The following PAPPA2 variants were observed in gnomAD, a reference collection of about 807,000 sequenced individuals.
PAPPA2 encodes pappalysin-2.
Under a neutral mutation model 176.4 loss-of-function variants are expected in PAPPA2, and 86 were observed. That is an observed-to-expected ratio of 0.49 (90% CI 0.41 to 0.58). PAPPA2 has a LOEUF of 0.58. PAPPA2 is among the 20% of genes least tolerant of loss of function. PAPPA2 has a pLI of 0.00. For missense variants in PAPPA2, 2,073 were observed against 2,256.9 expected (o/e 0.92, Z 1.65); for synonymous variants, 809 against 852.2 (o/e 0.95, Z 0.88).
chr1:176,513,226 C>T (rs1295884010), intron 1 of PAPPA2, among the ~76,000 whole-genome samples: 2 of 152,130 alleles, frequency 1.3e-5, no homozygotes, highest in Admixed American at 6.6e-5. Flanking sequence ...TTCAGTTTCT[C>T]TGGAGAACCC....
rs116071257 is a variant in PAPPA2 at position 176,628,309 on chromosome 1, T to C, written c.1991+32714T>C. On this transcript the variant is annotated intron_variant, in intron 3 of 22. Coordinates refer to ENST00000367662, the MANE Select transcript of PAPPA2 (RefSeq NM_020318.3). The stretch of plus-strand genomic sequence containing the variant: ...AATCCTTGTGTCCTGTAGACCCATT[T>C]GCCAAATTCAGAGCTATGTTTAGAC... 8.3e-3 allele frequency among the ~76,000 whole-genome samples: 1,263 copies of C among 152,300 alleles called. 15 individuals are homozygous for C. Among genetic ancestry groups the C allele is most frequent in the African/African-American group, 0.027 (1,105 of 41,550 alleles).
rs1284072059 is a variant in PAPPA2 at position 176,765,844 on chromosome 1, T to G, written c.4323+7T>G. 6.2e-7 allele frequency: 1 copy of G among 1,612,962 alleles called. No individual in the cohort carries two copies. Among genetic ancestry groups the G allele is most frequent in the Admixed American group, 1.7e-5 (1 of 59,944 alleles). On this transcript the variant is annotated splice_region_variant and intron_variant, in intron 15 of 22. Coordinates refer to ENST00000367662, the MANE Select transcript of PAPPA2 (RefSeq NM_020318.3). ...GTACATCAGGCCCATGCAGGTGAGT[T>G]GAAAGAACACTATCACCAGGACCAA... is the stretch of plus-strand genomic sequence containing the variant.
chr1:176,690,831 T>C (rs1660087882), intron 5 of PAPPA2: 2 of 1,001,890 alleles, frequency 2.0e-6, no homozygotes, highest in African/African-American at 3.5e-5. Flanking sequence ...TGGGTCAAGG[T>C]GGCCCATTGT....
At chr1:176,465,638 CTTT>C (rs528430128) in intron 1 of PAPPA2, among the ~76,000 whole-genome samples, 2 of 127,752 alleles carry the variant, frequency 1.6e-5, no homozygotes, top group Non-Finnish European at 1.7e-5. Context: ...CCAGGCCATT[CTTT>C]TTTTTTTTTT....
intron 21 of PAPPA2, among the ~76,000 whole-genome samples, chr1:176,822,666 T>C (rs1258981331): frequency 6.6e-6 from 1 of 152,222 alleles, no homozygotes; most frequent in African/African-American, 2.4e-5. Flanking sequence ...GTTGATTTAA[T>C]CCAATTGAAG....
chr1:176,612,223 G>A (rs1343768051), intron 3 of PAPPA2, among the ~76,000 whole-genome samples: 1 of 151,934 alleles, frequency 6.6e-6, no homozygotes, highest in Non-Finnish European at 1.5e-5. Context: ...GTGGAACCCC[G>A]TCTCTGCTAA....
At chr1:176,695,610 G>A (rs1439375911) in intron 6 of PAPPA2, 128 bp from the exon 7 acceptor site, 2 of 1,043,276 alleles carry the variant, frequency 1.9e-6, no homozygotes, top group South Asian at 3.3e-5. Context: ...GTTGTTCTTA[G>A]TTACTCTCTA....
At chr1:176,814,893 C>T (rs545551707) in intron 21 of PAPPA2, among the ~76,000 whole-genome samples, 1 of 152,226 alleles carries the variant, frequency 6.6e-6, no homozygotes, top group South Asian at 2.1e-4. Flanking sequence ...CAGATTTTGC[C>T]CATGCAGTAT....
In PAPPA2 at chr1:176,601,528, G is replaced by A. The variant is rs1654321268; in HGVS notation, c.1991+5933G>A. On this transcript the variant is annotated intron_variant, in intron 3 of 22. Transcript: ENST00000367662. The stretch of plus-strand genomic sequence containing the variant: ...TTATCAAGCTCTGGACTGGTCAGGA[G>A]GAGATATGAATTACAGATACATTAC... 2.0e-5 allele frequency among the ~76,000 whole-genome samples: 3 copies of A among 152,182 alleles called. No homozygotes were observed. The South Asian group carries it at 6.2e-4, about 32-fold the overall frequency.
At chr1:176,612,556 G>A (rs1573125734) in intron 3 of PAPPA2, among the ~76,000 whole-genome samples, 2 of 152,286 alleles carry the variant, frequency 1.3e-5, no homozygotes, top group Middle Eastern at 6.8e-3. Context: ...AAACAGGGAA[G>A]TAGGTAAGTT....
intron 3 of PAPPA2, among the ~76,000 whole-genome samples, chr1:176,599,200 T>TAC (rs1190684282): frequency 1.2e-3 from 175 of 151,850 alleles, no homozygotes; most frequent in African/African-American, 4.1e-3. Context: ...CATATATATA[T>TAC]ATACACACAC....
chr1:176,669,811 G>T (rs1658882480), intron 3 of PAPPA2, among the ~76,000 whole-genome samples: 1 of 152,058 alleles, frequency 6.6e-6, no homozygotes, highest in Non-Finnish European at 1.5e-5. Context: ...TGAAATAGAT[G>T]GCATCAACAA....
intron 3 of PAPPA2, among the ~76,000 whole-genome samples, chr1:176,634,996 TAG>T (rs1224301295): frequency 6.7e-6 from 1 of 150,066 alleles, no homozygotes; most frequent in Non-Finnish European, 1.5e-5. Flanking sequence ...GATAGATAGA[TAG>T]ATAGATAGAT....
chr1:176,515,949 G>A lies in PAPPA2; in HGVS notation c.-916-39458G>A, dbSNP rs577937106. On this transcript the variant is annotated intron_variant, in intron 1 of 22. Transcript: ENST00000367662. Reference sequence around the variant, plus strand: ...TCATTTAGTCCCCACAACAGTTCTCGGAAGGAGGTATTACTAGCCCATTTT... The same window carrying A: ...TCATTTAGTCCCCACAACAGTTCTCAGAAGGAGGTATTACTAGCCCATTTT... 3.3e-5 allele frequency among the ~76,000 whole-genome samples: 5 copies of A among 152,222 alleles called. No individual in the cohort carries two copies. In the East Asian group the frequency reaches 5.8e-4, roughly 18 times the overall value.
chr1:176,790,735 T>G (rs1226638482), intron 18 of PAPPA2, among the ~76,000 whole-genome samples: 1 of 152,170 alleles, frequency 6.6e-6, no homozygotes, highest in Non-Finnish European at 1.5e-5. Context: ...AAAATCTTAC[T>G]TTTTGGGGTT....
intron 12 of PAPPA2, among the ~76,000 whole-genome samples, chr1:176,734,542 G>A (rs1409468555): frequency 2.0e-5 from 3 of 151,946 alleles, no homozygotes; most frequent in African/African-American, 7.3e-5. Context: ...AGTAAAAACA[G>A]GCTCCAACCA....
intron 1 of PAPPA2, among the ~76,000 whole-genome samples, chr1:176,523,113 G>A (rs1408135578): frequency 1.3e-5 from 2 of 152,050 alleles, no homozygotes; most frequent in African/African-American, 4.8e-5. Flanking sequence ...AGCTTTCAGG[G>A]GCACCTCAAC....
At chr1:176,507,818 A>G (rs563587298) in intron 1 of PAPPA2, among the ~76,000 whole-genome samples, 5 of 152,206 alleles carry the variant, frequency 3.3e-5, no homozygotes, top group Admixed American at 2.6e-4. Context: ...TGGGATGAAA[A>G]AGTACCTGTT....
chr1:176,760,459 A>T (rs1179901061), intron 14 of PAPPA2, among the ~76,000 whole-genome samples: 1 of 152,222 alleles, frequency 6.6e-6, no homozygotes, highest in African/African-American at 2.4e-5. Flanking sequence ...GAGTATCAAC[A>T]CTTTGAAACT....
Sources: gnomAD v4.1 joint callset for allele counts (sites outside exome capture counted in the v4.1 genomes callset) on GRCh38, gnomAD v4.1.1 for gene constraint, MANE v1.5 for transcripts, NCBI Gene and HGNC (gene_info 2026-07-23, HGNC 2026-07-21) for gene names.